HM13: variants seen among roughly 807,000 people sequenced by gnomAD.
HM13 encodes the protein histocompatibility minor 13, also known as signal peptide peptidase.
Under a neutral mutation model 50.0 loss-of-function variants are expected in HM13, and 18 were observed. The observed-to-expected ratio is 0.36, with a 90% CI of 0.25 to 0.53. HM13 has a LOEUF of 0.53. Ranked by LOEUF, HM13 falls within the 20% of genes least tolerant of loss-of-function variation. The pLI, the probability that HM13 is intolerant of heterozygous loss-of-function variation, is 0.90. For synonymous variants in HM13, 197 were observed against 232.6 expected (o/e 0.85, Z 1.39); for missense variants, 393 against 552.4 (o/e 0.71, Z 2.89).
intron 8 of HM13, among the ~76,000 whole-genome samples, chr20:31,556,583 AC>A (rs1309584581): frequency 6.6e-6 from 1 of 152,222 alleles, no homozygotes; most frequent in African/African-American, 2.4e-5. Flanking sequence ...CTAGTAAGCA[AC>A]AGGGCCAGGA....
At chr20:31,551,668 C>T (rs1030370696) in intron 7 of HM13, among the ~76,000 whole-genome samples, 9 of 152,168 alleles carry the variant, frequency 5.9e-5, no homozygotes, top group African/African-American at 2.2e-4. Context: ...GAAGATGCTG[C>T]CGGGAGGGCA....
At chr20:31,525,638 G>C (rs1465885646) in intron 1 of HM13, among the ~76,000 whole-genome samples, 3 of 151,982 alleles carry the variant, frequency 2.0e-5, no homozygotes, top group Non-Finnish European at 4.4e-5. Context: ...GAAGGGCTTC[G>C]TGGCAGTGAC....
At position 31,514,783 on chromosome 20, in the gene HM13, G is replaced by T; in HGVS notation, c.183+49G>T. 1.4e-6 allele frequency: 2 copies of T among 1,456,550 alleles called. No individual in the cohort carries two copies. Among genetic ancestry groups the T allele is most frequent in the Non-Finnish European group, 1.8e-6 (2 of 1,099,872 alleles). The allele number at this position is 1,456,550 out of a possible 1,614,324, so 90.2% of individuals were successfully genotyped here. On this transcript the variant is annotated intron_variant, in intron 1 of 12. Transcript: ENST00000398174. This position sits in a 1 kb window ranked among gnomAD's most constrained non-coding sequence, Gnocchi z 4.3. ...CACTTTCCACCCCCATACCGAACAC[G>T]GCCGACATGGACCCTTCCTAGGCGG...
intron 2 of HM13, among the ~76,000 whole-genome samples, chr20:31,533,426 A>G (rs1241389477): frequency 6.6e-6 from 1 of 152,164 alleles, no homozygotes; most frequent in Non-Finnish European, 1.5e-5. Flanking sequence ...AATCGCTTGA[A>G]CCCAGGAGGC....
chr20:31,524,498 G>A (rs1016429574), intron 1 of HM13, among the ~76,000 whole-genome samples: 3 of 152,062 alleles, frequency 2.0e-5, no homozygotes, highest in Admixed American at 2.0e-4. Flanking sequence ...GCTTTCTACA[G>A]GAAGACAGAT....
At chr20:31,552,230 C>T (rs182149899) in intron 7 of HM13, among the ~76,000 whole-genome samples, 66 of 152,236 alleles carry the variant, frequency 4.3e-4, no homozygotes, top group Non-Finnish European at 1.3e-4. Context: ...AGGATGAATA[C>T]ACATTTCCCA....
intron 7 of HM13, among the ~76,000 whole-genome samples, chr20:31,552,120 G>C (rs890163874): frequency 1.3e-5 from 2 of 152,164 alleles, no homozygotes; most frequent in African/African-American, 4.8e-5. Flanking sequence ...GGGCCAGCCA[G>C]AGCAACAGCT....
intron 2 of HM13, among the ~76,000 whole-genome samples, chr20:31,536,489 G>T (rs531912827): frequency 1.8e-4 from 28 of 152,126 alleles, no homozygotes; most frequent in Admixed American, 1.1e-3. Flanking sequence ...CTCTAGCCCT[G>T]CAGGGTCTTC....
intron 12 of HM13, 86 bp from the exon 13 acceptor site, chr20:31,569,034 T>G: frequency 2.2e-6 from 2 of 903,594 alleles, no homozygotes; most frequent in Non-Finnish European, 3.4e-6. Flanking sequence ...TTTCCTAGGA[T>G]GGGGGTGGGG....
At chr20:31,516,869 C>A (rs1001081570) in intron 1 of HM13, among the ~76,000 whole-genome samples, 9 of 152,194 alleles carry the variant, frequency 5.9e-5, no homozygotes, top group Non-Finnish European at 1.2e-4. Context: ...CCCTTTGATG[C>A]TCACAGCAAC....
At chr20:31,527,056 A>G (rs968713503) in intron 1 of HM13, among the ~76,000 whole-genome samples, 2 of 152,054 alleles carry the variant, frequency 1.3e-5, no homozygotes, top group African/African-American at 4.8e-5. Context: ...GAATGGCAGG[A>G]TCAGCCAGGC....
At chr20:31,535,085 CAAA>C (rs977507318) in intron 2 of HM13, among the ~76,000 whole-genome samples, 3 of 123,380 alleles carry the variant, frequency 2.4e-5, no homozygotes, top group Admixed American at 8.5e-5. Flanking sequence ...GACTCCGTCT[CAAA>C]AAAAAAAAAA....
chr20:31,522,304 T>A (rs576244186), intron 1 of HM13, among the ~76,000 whole-genome samples: 1 of 152,274 alleles, frequency 6.6e-6, no homozygotes, highest in South Asian at 2.1e-4. Flanking sequence ...GGCTCACACC[T>A]GTAATCCCAG....
chr20:31,538,692 C>A (rs1983262792), intron 3 of HM13: 2 of 1,045,516 alleles, frequency 1.9e-6, no homozygotes, highest in South Asian at 4.6e-5. Flanking sequence ...TGGGCTCTGG[C>A]ATTTGACTAC....
At chr20:31,538,519 G>A in intron 3 of HM13, 1 of 1,400,158 alleles carries the variant, frequency 7.1e-7, no homozygotes, top group Non-Finnish European at 9.3e-7. Flanking sequence ...AGTGATTTGT[G>A]AGCAGTAATG....
intron 8 of HM13, 118 bp from the exon 9 acceptor site, chr20:31,559,493 T>A: frequency 7.3e-6 from 7 of 961,874 alleles, no homozygotes; most frequent in Non-Finnish European, 1.2e-5. Context: ...GCCACACCCT[T>A]GGTCTCCAAT....
intron 10 of HM13, chr20:31,562,405 G>C (rs1303268365): frequency 1.3e-5 from 2 of 153,074 alleles, no homozygotes; most frequent in Admixed American, 1.3e-4. Context: ...GAGGATCCTT[G>C]TGAACAGGTG....
At position 31,549,248 on chromosome 20, in the gene HM13, T is replaced by G. The variant is rs533749150; in HGVS notation, c.582T>G (p.Leu194=). The change falls in exon 6 of 13, where the codon CTT becomes CTG. Residue 194 remains leucine (L), a synonymous_variant. Transcript: ENST00000398174. ...ACCTTTTTGGCCTGGCCTTCTCCCT[T>G]AATGGAGTAGAGCTCCTGCACCTCA... The part of the protein sequence containing the change: ...ANNLFGLAFS[L]NGVELLHLNN... The G allele has an allele frequency of 6.2e-7, 1 of 1,614,192 alleles. No individual in the cohort carries two copies. Among genetic ancestry groups the G allele is most frequent in the South Asian group, 1.1e-5 (1 of 91,086 alleles).
At chr20:31,559,697 A>G in intron 9 of HM13, 50 bp downstream of exon 9, 1 of 1,584,288 alleles carries the variant, frequency 6.3e-7, no homozygotes, top group East Asian at 2.2e-5. Context: ...GGGATTCTCC[A>G]GTGGCCTTCA....
Sources: allele counts gnomAD v4.1 joint callset (sites outside exome capture counted in the v4.1 genomes callset), GRCh38; gene constraint gnomAD v4.1.1; non-coding constraint Gnocchi (gnomAD v3.1); transcripts MANE v1.5; gene names NCBI Gene and HGNC (gene_info 2026-07-23, HGNC 2026-07-21).